MCTP1: variants seen among roughly 807,000 people sequenced by gnomAD.
MCTP1 encodes the protein multiple C2 and transmembrane domain-containing protein 1.
A neutral mutation model predicts 120.6 loss-of-function variants in MCTP1; 69 were observed. That is an observed-to-expected ratio of 0.57 (90% CI 0.47 to 0.70). The LOEUF (loss-of-function observed/expected upper bound fraction) is 0.70. Among genes scored for constraint, MCTP1 ranks in the 30% least tolerant of loss-of-function variants. The pLI is 0.00. For missense variants in MCTP1, 1,203 were observed against 1,248.8 expected (o/e 0.96, Z 0.55); for synonymous variants, 529 against 493.1 (o/e 1.07, Z -0.96).
chr5:95,258,511 A>C (rs1758123829), intron 1 of MCTP1, among the ~76,000 whole-genome samples: 1 of 152,212 alleles, frequency 6.6e-6, no homozygotes, highest in Non-Finnish European at 1.5e-5. Context: ...CTTAGATAGG[A>C]TACTGAAACA....
intron 1 of MCTP1, among the ~76,000 whole-genome samples, chr5:95,087,126 A>G (rs9314125): frequency 0.82 from 125,045 of 152,128 alleles, 53,830 homozygotes; most frequent in Non-Finnish European, 0.97. Flanking sequence ...AGGCAGATTA[A>G]GGGTATCCCA....
At chr5:95,245,474 G>C (rs1756655551) in intron 1 of MCTP1, among the ~76,000 whole-genome samples, 1 of 152,138 alleles carries the variant, frequency 6.6e-6, no homozygotes, top group African/African-American at 2.4e-5. Context: ...GTGTAGAGAA[G>C]ACCTTAAATG....
At chr5:95,003,856 G>A (rs1332690723) in intron 2 of MCTP1, among the ~76,000 whole-genome samples, 2 of 152,208 alleles carry the variant, frequency 1.3e-5, no homozygotes, top group Non-Finnish European at 2.9e-5. Context: ...GAGAAGTGGG[G>A]CATTGCTATA....
chr5:94,921,597 C>T (rs1811683583), intron 7 of MCTP1, among the ~76,000 whole-genome samples: 1 of 152,176 alleles, frequency 6.6e-6, no homozygotes, highest in East Asian at 1.9e-4. Flanking sequence ...TATACATCTC[C>T]TCTAAAAGCT....
chr5:94,770,797 TGATGGA>T (rs2152899613), intron 19 of MCTP1, among the ~76,000 whole-genome samples: 1 of 152,354 alleles, frequency 6.6e-6, no homozygotes, highest in South Asian at 2.1e-4. Context: ...GAAGCATTAA[TGATGGA>T]GAGTTTTCAA....
intron 1 of MCTP1, among the ~76,000 whole-genome samples, chr5:95,066,480 C>T (rs1750692682): frequency 6.6e-6 from 1 of 152,134 alleles, no homozygotes. Flanking sequence ...TTATATGATC[C>T]AGCAATCTCA....
chr5:95,206,794 C>T (rs543703317), intron 1 of MCTP1, among the ~76,000 whole-genome samples: 63 of 152,144 alleles, frequency 4.1e-4, no homozygotes, highest in Admixed American at 1.0e-3. Context: ...CCTCGGCCTC[C>T]CAAAGTGCTG....
chr5:95,166,917 CT>C (rs386404479), intron 1 of MCTP1, among the ~76,000 whole-genome samples: 6,760 of 137,770 alleles, frequency 0.049, 147 homozygotes, highest in African/African-American at 0.072. Flanking sequence ...CCTTTCTATT[CT>C]TTTTTTTTTT....
chr5:95,159,563 C>A (rs937901255), intron 1 of MCTP1, among the ~76,000 whole-genome samples: 12 of 152,108 alleles, frequency 7.9e-5, no homozygotes, highest in Admixed American at 3.3e-4. Context: ...TACTAAGACA[C>A]AACAATGGTT....
In MCTP1 at chr5:94,733,973, AAAAG is replaced by A. The variant is rs1763660035; in HGVS notation, c.2611-19091_2611-19088del. Among the ~76,000 whole-genome samples the A allele has an allele frequency of 6.6e-5, 10 of 151,856 alleles. No individual in the cohort carries two copies. In the South Asian group the frequency reaches 1.5e-3, roughly 22 times the overall value. On this transcript the variant is annotated intron_variant, in intron 19 of 22. Transcript: ENST00000515393. ...AGCAAGACTCTGTCTGAAAAAAAAA[AAAAG>A]AAAAGAAAAGAAAAAGGAAAATACC... is the stretch of plus-strand genomic sequence containing the variant.
At chr5:95,208,013 G>C (rs1442097804) in intron 1 of MCTP1, among the ~76,000 whole-genome samples, 2 of 137,198 alleles carry the variant, frequency 1.5e-5, no homozygotes, top group African/African-American at 2.6e-5. Context: ...GAGAGGGAGA[G>C]AGAGGGAGAG....
intron 19 of MCTP1, among the ~76,000 whole-genome samples, chr5:94,745,075 G>A (rs1055113600): frequency 4.7e-5 from 7 of 149,784 alleles, no homozygotes; most frequent in South Asian, 2.1e-4. Context: ...CACCCACAGA[G>A]AGTAAGAATG....
At chr5:94,971,720 G>T (rs1561948392) in intron 2 of MCTP1, among the ~76,000 whole-genome samples, 1 of 152,148 alleles carries the variant, frequency 6.6e-6, no homozygotes, top group Non-Finnish European at 1.5e-5. Context: ...GGTCGAAGGA[G>T]ACTTGAGTTC....
chr5:94,776,854 G>T (rs1401200970), intron 19 of MCTP1, among the ~76,000 whole-genome samples: 1 of 152,220 alleles, frequency 6.6e-6, no homozygotes, highest in East Asian at 1.9e-4. Flanking sequence ...AACATTTACC[G>T]CTGTGAAAGC....
At chr5:95,030,652 G>C (rs1840111409) in intron 1 of MCTP1, among the ~76,000 whole-genome samples, 1 of 152,014 alleles carries the variant, frequency 6.6e-6, no homozygotes, top group Non-Finnish European at 1.5e-5. Flanking sequence ...ATACCCTCAA[G>C]GGAAAAATGA....
intron 18 of MCTP1, among the ~76,000 whole-genome samples, chr5:94,784,037 T>C (rs1313782088): frequency 6.6e-6 from 1 of 152,118 alleles, no homozygotes; most frequent in Non-Finnish European, 1.5e-5. Context: ...CGTTTACACA[T>C]TTAAAGAAGA....
intron 17 of MCTP1, among the ~76,000 whole-genome samples, chr5:94,808,483 A>G (rs186310341): frequency 1.8e-3 from 274 of 152,280 alleles, no homozygotes; most frequent in South Asian, 5.8e-3. Flanking sequence ...TCATGCCACA[A>G]TGATACAGGG....
In MCTP1 at chr5:95,057,737, G is replaced by A. The variant is rs368492528; in HGVS notation, c.721-40253C>T. Among the ~76,000 whole-genome samples the A allele has an allele frequency of 1.1e-4, 17 of 152,012 alleles. No individual in the cohort carries two copies. The East Asian group carries it at 1.5e-3, about 14-fold the overall frequency. ...TGGCATTTCGTACCCAGATTTTTCC[G>A]AGAGCAGTCAATGCAGTGACAAATG... is the stretch of plus-strand genomic sequence containing the variant. On this transcript the variant is annotated intron_variant, in intron 1 of 22. Coordinates refer to ENST00000515393, the MANE Select transcript of MCTP1 (RefSeq NM_024717.7).
At chr5:94,967,446 A>G (rs141209140) in intron 2 of MCTP1, among the ~76,000 whole-genome samples, 1 of 152,340 alleles carries the variant, frequency 6.6e-6, no homozygotes, top group Non-Finnish European at 1.5e-5. Context: ...CCCCAAAGTC[A>G]TACAACTAGG....
Sources: allele counts gnomAD v4.1 joint callset (sites outside exome capture counted in the v4.1 genomes callset), GRCh38; gene constraint gnomAD v4.1.1; transcripts MANE v1.5; gene names NCBI Gene and HGNC (gene_info 2026-07-23, HGNC 2026-07-21).